GABRA5: variants seen among roughly 807,000 people sequenced by gnomAD.
GABRA5 encodes gamma-aminobutyric acid type A receptor subunit alpha5.
Under a neutral mutation model 47.3 loss-of-function variants are expected in GABRA5, and 18 were observed. That is an observed-to-expected ratio of 0.38 (90% CI 0.26 to 0.56). The LOEUF (loss-of-function observed/expected upper bound fraction) is 0.56. Among genes scored for constraint, GABRA5 ranks in the 20% least tolerant of loss-of-function variants. The pLI is 0.71. For synonymous variants in GABRA5, 237 were observed against 229.3 expected, an observed-to-expected ratio of 1.03 and a Z score of -0.30; for missense variants, 365 against 599.3, an observed-to-expected ratio of 0.61 and a Z score of 4.08.
chr15:26,925,072 T>C (rs991821924), intron 7 of GABRA5, among the ~76,000 whole-genome samples: 3 of 152,260 alleles, frequency 2.0e-5, no homozygotes, highest in Non-Finnish European at 1.5e-5. Flanking sequence ...AAATGCATTT[T>C]CATCTTTCTG....
chr15:26,929,890 A>G (rs1347547800), intron 7 of GABRA5, among the ~76,000 whole-genome samples: 1 of 152,136 alleles, frequency 6.6e-6, no homozygotes, highest in Non-Finnish European at 1.5e-5. Flanking sequence ...TCCTTTGGCC[A>G]CACCCATCCC....
At chr15:26,893,601 C>G (rs996796413) in intron 6 of GABRA5, among the ~76,000 whole-genome samples, 2 of 151,962 alleles carry the variant, frequency 1.3e-5, no homozygotes, top group Non-Finnish European at 2.9e-5. Flanking sequence ...GTGTCCTTCC[C>G]GCTCGCCCAT....
At chr15:26,907,655 C>T (rs560616638) in intron 6 of GABRA5, among the ~76,000 whole-genome samples, 1 of 152,150 alleles carries the variant, frequency 6.6e-6, no homozygotes, top group East Asian at 1.9e-4. Context: ...CCAGTACACA[C>T]GTCACAGTCA....
chr15:26,884,279 G>A (rs1210660067), intron 6 of GABRA5, among the ~76,000 whole-genome samples: 2 of 152,070 alleles, frequency 1.3e-5, no homozygotes, highest in African/African-American at 4.8e-5. Flanking sequence ...TTTCTCACAT[G>A]CTTGGATAAC....
intron 3 of GABRA5, among the ~76,000 whole-genome samples, chr15:26,875,448 G>C (rs577708901): frequency 6.6e-6 from 1 of 152,200 alleles, no homozygotes; most frequent in Non-Finnish European, 1.5e-5. Context: ...GTACACTCTG[G>C]TGTGCATGGA....
rs183153792 is a variant in GABRA5 at position 26,901,289 on chromosome 15, A to G, written c.498-13514A>G. On this transcript the variant is annotated intron_variant, in intron 6 of 10. Transcript: ENST00000335625. Reference sequence around the variant, plus strand: ...CATTCACGTCAGCAGTTAATGAGCAAGTTTCTCTTGCTCCACATCCTCTCC... The same window carrying G: ...CATTCACGTCAGCAGTTAATGAGCAGGTTTCTCTTGCTCCACATCCTCTCC... Among the ~76,000 whole-genome samples the G allele has an allele frequency of 5.3e-5, 8 of 152,282 alleles. No homozygotes were observed. The East Asian group carries it at 1.5e-3, about 29-fold the overall frequency.
chr15:26,923,135 A>G (rs1395914676), intron 7 of GABRA5, among the ~76,000 whole-genome samples: 4 of 152,230 alleles, frequency 2.6e-5, no homozygotes, highest in Non-Finnish European at 5.9e-5. Flanking sequence ...TTAATTTTGA[A>G]AACTCAATAG....
rs147783945 is a variant in GABRA5 at position 26,914,268 on chromosome 15, C to T, written c.498-535C>T. Among the ~76,000 whole-genome samples, 463 of 152,214 alleles carry T rather than the reference C, an allele frequency of 3.0e-3. 3 individuals are homozygous for T. The highest frequency in any genetic ancestry group is 0.01 in the Middle Eastern group (3 of 294). ...TTACACAATGGTTATAGCCAGGTTC[C>T]GGTCAAAATTTGGGCGTGTAGGAAA... On this transcript the variant is annotated intron_variant, in intron 6 of 10. Transcript: ENST00000335625.
intron 9 of GABRA5, among the ~76,000 whole-genome samples, chr15:26,940,709 T>G (rs1007241717): frequency 6.6e-6 from 1 of 152,204 alleles, no homozygotes; most frequent in African/African-American, 2.4e-5. Flanking sequence ...ATCAATGAGA[T>G]ACAATAGTAA....
At chr15:26,888,494 G>T (rs1398628634) in intron 6 of GABRA5, among the ~76,000 whole-genome samples, 1 of 152,092 alleles carries the variant, frequency 6.6e-6, no homozygotes, top group African/African-American at 2.4e-5. Context: ...CTGAACCCAG[G>T]GACTGGCCCG....
chr15:26,916,678 T>C (rs1257763299), intron 7 of GABRA5, among the ~76,000 whole-genome samples: 1 of 152,152 alleles, frequency 6.6e-6, no homozygotes, highest in Non-Finnish European at 1.5e-5. Context: ...GACATTTTAA[T>C]AATATTAAGT....
At position 26,881,012 on chromosome 15, in the gene GABRA5, G is replaced by A. The variant is rs374438853; in HGVS notation, c.208+45G>A. The A allele has an allele frequency of 1.6e-5, 26 of 1,598,500 alleles. No individual in the cohort carries two copies. In the African/African-American group the frequency reaches 3.2e-4, roughly 20 times the overall value. ...CTGAGCCCAGCAAGGATCCAGGAAG[G>A]GCTTAAGTCTCGTCTCAAGCTTGTG... On this transcript the variant is annotated intron_variant, in intron 4 of 10. Coordinates refer to ENST00000335625, the MANE Select transcript of GABRA5 (RefSeq NM_000810.4).
At chr15:26,935,940 G>C (rs1429137958) in intron 7 of GABRA5, among the ~76,000 whole-genome samples, 14 of 152,180 alleles carry the variant, frequency 9.2e-5, no homozygotes. Context: ...TGGCTTGGCT[G>C]TGTGTCCCCA....
rs146137328 is a variant in GABRA5, at chr15:26,921,168, T to C, written c.580+6283T>C. Among the ~76,000 whole-genome samples, 407 of 152,288 alleles carry C rather than the reference T, an allele frequency of 2.7e-3. 2 individuals carry two copies. Among genetic ancestry groups the C allele is most frequent in the African/African-American group, 9.1e-3 (379 of 41,568 alleles). ...AAGTGGGAAGTATTCCCACCTTTTTTATTTTCTAGAAAATACTGTATAGAA... is the reference window on the plus strand; with the variant it reads ...AAGTGGGAAGTATTCCCACCTTTTTCATTTTCTAGAAAATACTGTATAGAA... On this transcript the variant is annotated intron_variant, in intron 7 of 10. Transcript: ENST00000335625.
chr15:26,941,128 A>G lies in GABRA5; in HGVS notation c.877+1051A>G, dbSNP rs566903772. ...CTGATCATCACTCTGCCTCCAGTCAAGAGTCCAGCTTCACTTACCAAGCCT... is the reference window on the plus strand; with the variant it reads ...CTGATCATCACTCTGCCTCCAGTCAGGAGTCCAGCTTCACTTACCAAGCCT... On this transcript the variant is annotated intron_variant, in intron 9 of 10. Coordinates refer to ENST00000335625, the MANE Select transcript of GABRA5 (RefSeq NM_000810.4). Among the ~76,000 whole-genome samples, 460 of 152,304 alleles carry G rather than the reference A, an allele frequency of 3.0e-3. 3 individuals carry two copies. Among genetic ancestry groups the G allele is most frequent in the African/African-American group, 0.011 (443 of 41,562 alleles).
intron 8 of GABRA5, 102 bp downstream of exon 8, chr15:26,937,430 G>A: frequency 7.9e-7 from 1 of 1,266,586 alleles, no homozygotes; most frequent in Non-Finnish European, 1.1e-6. Flanking sequence ...CACGTGGGAG[G>A]CCGCACAGCA....
intron 4 of GABRA5, 120 bp downstream of exon 4, chr15:26,881,087 G>T: frequency 9.0e-7 from 1 of 1,109,716 alleles, no homozygotes. Flanking sequence ...CCAGGATTTT[G>T]GTATGATGGC....
In GABRA5 at chr15:26,883,578, G is replaced by GGCGGGGCCGGGGGACGGT; in HGVS notation, c.497+29_497+46dup. The GGCGGGGCCGGGGGACGGT allele has an allele frequency of 6.7e-7, 1 of 1,501,006 alleles. No homozygotes were observed. The highest frequency in any genetic ancestry group is 9.0e-7 in the Non-Finnish European group (1 of 1,105,140). 93.0% of individuals were successfully genotyped at this position (1,501,006 alleles called of 1,614,324 possible). On this transcript the variant is annotated intron_variant, in intron 6 of 10. Transcript: ENST00000335625. This position sits in a 1 kb window ranked among gnomAD's most constrained non-coding sequence, Gnocchi z 4.8. ...ATGCGGTGAGCGCCGGGCGGGGGCG[G>GGCGGGGCCGGGGGACGGT]GCGGGGCCGGGGGACGGTGCGGGGC...
At chr15:26,881,117 A>G in intron 4 of GABRA5, 150 bp downstream of exon 4, 2 of 730,824 alleles carry the variant, frequency 2.7e-6, no homozygotes, top group East Asian at 3.0e-5. Flanking sequence ...CTTGCCAAGA[A>G]TCATGCACCC....
Sources: allele counts gnomAD v4.1 joint callset (sites outside exome capture counted in the v4.1 genomes callset), GRCh38; gene constraint gnomAD v4.1.1; non-coding constraint Gnocchi (gnomAD v3.1); transcripts MANE v1.5; gene names NCBI Gene and HGNC (gene_info 2026-07-23, HGNC 2026-07-21).